ACAD11: variants seen among roughly 807,000 people sequenced by gnomAD.
The protein encoded by ACAD11 is acyl-Coenzyme A dehydrogenase family, member 11.
In ACAD11, 83 loss-of-function variants were observed where a neutral mutation model predicts 102.2. The observed-to-expected ratio is 0.81, with a 90% CI of 0.68 to 0.97. ACAD11 has a LOEUF of 0.97. Among genes scored for constraint, ACAD11 ranks in the 50% least tolerant of loss-of-function variants. ACAD11 has a pLI of 0.00. For synonymous variants in ACAD11, 324 were observed against 319.8 expected, an observed-to-expected ratio of 1.01 and a Z score of -0.14; for missense variants, 901 against 951.7, an observed-to-expected ratio of 0.95 and a Z score of 0.70.
intron 13 of ACAD11, among the ~76,000 whole-genome samples, chr3:132,589,212 A>G (rs1031592043): frequency 3.3e-5 from 5 of 152,206 alleles, no homozygotes; most frequent in African/African-American, 1.2e-4. Flanking sequence ...TTTGTTGTTT[A>G]GAAGTTACCT....
At position 132,619,531 on chromosome 3, in the gene ACAD11, G is replaced by T; in HGVS notation, c.1212C>A (p.Phe404Leu). Residue 404 changes from phenylalanine to leucine, a missense_variant, in exon 10 of 20, where the codon TTC (phenylalanine) becomes TTA (leucine). Coordinates refer to ENST00000264990, the MANE Select transcript of ACAD11 (RefSeq NM_032169.5). The part of the protein sequence containing the change: ...ILPAEKEVTE[F>L]YVQNENSVDK... The stretch of plus-strand genomic sequence containing the variant: ...CCACTGAATTTTCATTTTGAACATA[G>T]AACTCAGTTACCTCCTTAAAGTAAT... The T allele has an allele frequency of 6.3e-7, 1 of 1,586,470 alleles. No individual in the cohort carries two copies. The highest frequency in any genetic ancestry group is 8.6e-7 in the Non-Finnish European group (1 of 1,167,814).
Position 132,594,986 on chromosome 3 carries a change from C to T in ACAD11, c.1621+8243G>A, listed in dbSNP as rs780585588. On this transcript the variant is annotated intron_variant, in intron 13 of 19. Coordinates refer to ENST00000264990, the MANE Select transcript of ACAD11 (RefSeq NM_032169.5). ...TCAATGAACAAAGCAAACAAAAGTC[C>T]CTGTTCTGATGAAGCTTATGTTCTA... Among the ~76,000 whole-genome samples, 9 of 152,158 alleles carry T rather than the reference C, an allele frequency of 5.9e-5. No individual in the cohort carries two copies. In the South Asian group the frequency reaches 6.2e-4, roughly 11 times the overall value.
chr3:132,608,732 AC>A (rs1290009718), intron 11 of ACAD11, among the ~76,000 whole-genome samples: 1 of 152,180 alleles, frequency 6.6e-6, no homozygotes, highest in Non-Finnish European at 1.5e-5. Context: ...AGACAGGTCG[AC>A]GAGACAGAAA....
intron 11 of ACAD11, among the ~76,000 whole-genome samples, chr3:132,612,119 T>A (rs886678628): frequency 1.3e-5 from 2 of 151,932 alleles, no homozygotes; most frequent in African/African-American, 4.8e-5. Context: ...AAACAAGAAA[T>A]GGGGAAAGGA....
At position 132,652,089 on chromosome 3, in the gene ACAD11, T is replaced by C. The variant is rs1475644680; in HGVS notation, c.150-7193A>G. Among the ~76,000 whole-genome samples, 5 of 152,098 alleles carry C rather than the reference T, an allele frequency of 3.3e-5. No individual in the cohort carries two copies. The East Asian group carries it at 9.6e-4, about 29-fold the overall frequency. On this transcript the variant is annotated intron_variant, in intron 1 of 19. Transcript: ENST00000264990. ...TTTGGCTGTGTCCCCACCCAAATCT[T>C]ATCTTGAATTGTAGCTCCCATAATT... is the stretch of plus-strand genomic sequence containing the variant.
At position 132,575,851 on chromosome 3, in the gene ACAD11, C is replaced by T. The variant is rs1937515345; in HGVS notation, c.1922G>A (p.Gly641Asp). The T allele has an allele frequency of 6.2e-7, 1 of 1,613,966 alleles. No homozygotes were observed. Among genetic ancestry groups the T allele is most frequent in the African/African-American group, 1.3e-5 (1 of 74,922 alleles). Reference sequence around the variant, plus strand: ...GATCTGCAAAGCGCGTTCCGCCAAACCTACTGTTCTCATACAGTGGTGGAT... The same window carrying T: ...GATCTGCAAAGCGCGTTCCGCCAAATCTACTGTTCTCATACAGTGGTGGAT... ...GRIHHCMRTV[G>D]LAERALQIMC... is the part of the protein sequence containing the mutation. The change falls in exon 17 of 20, where the codon GGT becomes GAT. Residue 641 changes from glycine to aspartate, a missense_variant. Coordinates refer to ENST00000264990, the MANE Select transcript of ACAD11 (RefSeq NM_032169.5).
chr3:132,653,872 CTAAG>C (rs1473126589), intron 1 of ACAD11, among the ~76,000 whole-genome samples: 6 of 152,196 alleles, frequency 3.9e-5, no homozygotes, highest in Non-Finnish European at 8.8e-5. Flanking sequence ...GAACTATTTT[CTAAG>C]TAAGACCTTC....
At chr3:132,653,587 A>C (rs779358320) in intron 1 of ACAD11, among the ~76,000 whole-genome samples, 17 of 152,026 alleles carry the variant, frequency 1.1e-4, no homozygotes, top group Non-Finnish European at 2.2e-4. Flanking sequence ...TCTTGACCTC[A>C]CTTCCCCCCT....
At chr3:132,581,611 C>G (rs187616903) in intron 13 of ACAD11, among the ~76,000 whole-genome samples, 4 of 151,666 alleles carry the variant, frequency 2.6e-5, no homozygotes, top group African/African-American at 9.7e-5. Context: ...ATTATAAAAG[C>G]AAATAATGCA....
Position 132,639,539 on chromosome 3 carries a change from T to TC in ACAD11, c.654dup (p.Ile219AspfsTer9). The stretch of plus-strand genomic sequence containing the variant: ...TTATCTAGTCTGAAATCTCCATGAA[T>TC]CAAATTCTCTTCATTGTCATTATCG... On this transcript the variant is annotated frameshift_variant, in exon 5 of 20. Coordinates refer to ENST00000264990, the MANE Select transcript of ACAD11 (RefSeq NM_032169.5). LOFTEE classifies it high-confidence loss of function. The TC allele has an allele frequency of 6.2e-7, 1 of 1,614,008 alleles. No homozygotes were observed. Among genetic ancestry groups the TC allele is most frequent in the Non-Finnish European group, 8.5e-7 (1 of 1,179,976 alleles).
At chr3:132,575,430 A>G (rs1022702850) in intron 17 of ACAD11, among the ~76,000 whole-genome samples, 5 of 152,090 alleles carry the variant, frequency 3.3e-5, no homozygotes, top group African/African-American at 1.2e-4. Flanking sequence ...CTTCTAGGAA[A>G]CCAATGGACA....
intron 2 of ACAD11, among the ~76,000 whole-genome samples, chr3:132,644,053 CTGGGAATATGATA>C (rs1273251699): frequency 2.6e-5 from 4 of 152,100 alleles, no homozygotes; most frequent in African/African-American, 9.7e-5. Context: ...CTTCATGTTT[CTGGGAATATGATA>C]TGGGACCAAG....
chr3:132,641,698 G>GGAAGAGGAAGAAGAAGAAGAA (rs781004918), intron 4 of ACAD11, among the ~76,000 whole-genome samples: 2 of 116,642 alleles, frequency 1.7e-5, no homozygotes, highest in Admixed American at 1.6e-4. Context: ...AAGAGGAAGA[G>GGAAGAGGAAGAAGAAGAAGAA]GAAGAAGAAG....
At chr3:132,588,386 C>T (rs2107804872) in intron 13 of ACAD11, among the ~76,000 whole-genome samples, 1 of 152,196 alleles carries the variant, frequency 6.6e-6, no homozygotes, top group East Asian at 1.9e-4. Flanking sequence ...CTTATACATT[C>T]ATTAATATTT....
chr3:132,657,712 G>T (rs906423051), intron 1 of ACAD11, among the ~76,000 whole-genome samples: 3 of 152,072 alleles, frequency 2.0e-5, no homozygotes, highest in Non-Finnish European at 4.4e-5. Context: ...TGCTAAAGTA[G>T]AGAAATGCAG....
In ACAD11 at chr3:132,611,578, T is replaced by G. The variant is rs1939149996; in HGVS notation, c.1415-6373A>C. Among the ~76,000 whole-genome samples the G allele has an allele frequency of 5.9e-5, 9 of 151,942 alleles. No homozygotes were observed. In the South Asian group the frequency reaches 1.5e-3, roughly 25 times the overall value. On this transcript the variant is annotated intron_variant, in intron 11 of 19. Coordinates refer to ENST00000264990, the MANE Select transcript of ACAD11 (RefSeq NM_032169.5). ...AATCACAAGCATTCATATACACCAA[T>G]AACAGAGAAACAGAGAGCCAAATCA...
intron 13 of ACAD11, among the ~76,000 whole-genome samples, chr3:132,590,656 C>T (rs1938037266): frequency 3.3e-5 from 5 of 152,178 alleles, no homozygotes; most frequent in Admixed American, 2.6e-4. Flanking sequence ...TTTTCTACAA[C>T]CTCACCCGCA....
At chr3:132,565,902 T>C (rs1463303519) in intron 17 of ACAD11, among the ~76,000 whole-genome samples, 4 of 152,202 alleles carry the variant, frequency 2.6e-5, no homozygotes, top group African/African-American at 9.7e-5. Flanking sequence ...TTGTACAGCC[T>C]GCAGAACCAT....
intron 13 of ACAD11, among the ~76,000 whole-genome samples, chr3:132,597,534 C>T (rs1938370380): frequency 6.6e-6 from 1 of 151,404 alleles, no homozygotes. Flanking sequence ...ATTTTAAATG[C>T]CATTACTTGT....
Sources: allele counts gnomAD v4.1 joint callset (sites outside exome capture counted in the v4.1 genomes callset), GRCh38; gene constraint gnomAD v4.1.1; transcripts MANE v1.5; gene names NCBI Gene and HGNC (gene_info 2026-07-23, HGNC 2026-07-21).